Variants in TMEM178B observed in about 807,000 individuals in gnomAD.
The protein encoded by TMEM178B is transmembrane protein 178B.
In TMEM178B, 5 loss-of-function variants were observed where a neutral mutation model predicts 31.0. That is an observed-to-expected ratio of 0.16 (90% CI 0.08 to 0.34). TMEM178B has a LOEUF of 0.34. Among genes scored for constraint, TMEM178B ranks in the 10% least tolerant of loss-of-function variants. TMEM178B has a pLI of 1.00. For synonymous variants in TMEM178B, 164 were observed against 164.0 expected (o/e 1.00, Z 0.00); for missense variants, 275 against 400.3 (o/e 0.69, Z 2.67).
At chr7:141,246,889 T>G (rs1797739966) in intron 2 of TMEM178B, among the ~76,000 whole-genome samples, 1 of 152,146 alleles carries the variant, frequency 6.6e-6, no homozygotes, top group Non-Finnish European at 1.5e-5. Context: ...CAGCACTCTT[T>G]TCCCCATTAC....
chr7:141,182,741 G>C (rs1260333673), intron 1 of TMEM178B, among the ~76,000 whole-genome samples: 2 of 152,150 alleles, frequency 1.3e-5, no homozygotes, highest in Admixed American at 6.5e-5. Flanking sequence ...CTGTTCTTGT[G>C]GTGGTGAATA....
At chr7:141,101,478 T>C (rs776305699) in intron 1 of TMEM178B, among the ~76,000 whole-genome samples, 16 of 152,254 alleles carry the variant, frequency 1.1e-4, no homozygotes, top group Non-Finnish European at 2.4e-4. Flanking sequence ...TTTTCTCTGG[T>C]ACAGGTTAAG....
intron 1 of TMEM178B, among the ~76,000 whole-genome samples, chr7:141,160,055 A>T (rs1454286817): frequency 6.8e-6 from 1 of 147,196 alleles, no homozygotes; most frequent in East Asian, 2.0e-4. Context: ...ATCAATATAT[A>T]ATATATATAT....
intron 2 of TMEM178B, among the ~76,000 whole-genome samples, chr7:141,407,638 A>G (rs1243886891): frequency 2.0e-5 from 3 of 152,172 alleles, no homozygotes; most frequent in Non-Finnish European, 4.4e-5. Context: ...ATCATGACCC[A>G]CTTTATAGAT....
chr7:141,204,282 G>A (rs7801435), intron 1 of TMEM178B, among the ~76,000 whole-genome samples: 98,974 of 152,022 alleles, frequency 0.65, 32,661 homozygotes, highest in Middle Eastern at 0.69. Flanking sequence ...CCCTCTGAGG[G>A]ACTGTGAGAA....
intron 2 of TMEM178B, among the ~76,000 whole-genome samples, chr7:141,421,446 T>TGTGTTTACATC (rs1801208247): frequency 1.3e-5 from 2 of 152,164 alleles, no homozygotes; most frequent in Non-Finnish European, 2.9e-5. Context: ...GGTAGCACTT[T>TGTGTTTACATC]ACAGTTTACA....
chr7:141,462,082 A>G (rs1263879390), intron 3 of TMEM178B, among the ~76,000 whole-genome samples: 1 of 152,146 alleles, frequency 6.6e-6, no homozygotes, highest in Non-Finnish European at 1.5e-5. Context: ...TCGTCACTAC[A>G]ACACTACCTA....
At chr7:141,348,844 A>G (rs115606259) in intron 2 of TMEM178B, among the ~76,000 whole-genome samples, 3,484 of 152,290 alleles carry the variant, frequency 0.023, 126 homozygotes, top group African/African-American at 0.079. Flanking sequence ...AAATCAGAGC[A>G]TTAGCGAGCA....
rs371616812 is a variant in TMEM178B at position 141,423,887 on chromosome 7, C to A, written c.497-13721C>A. 2.8e-3 allele frequency among the ~76,000 whole-genome samples: 415 copies of A among 147,158 alleles called. 3 individuals carry two copies. Among genetic ancestry groups the A allele is most frequent in the African/African-American group, 9.9e-3 (394 of 39,696 alleles). The stretch of plus-strand genomic sequence containing the variant: ...GTAGTGGCACGATCTTGGCTCACTG[C>A]AACCTCCACCTCCTGGGTTCAAGTG... On this transcript the variant is annotated intron_variant, in intron 2 of 3. Transcript: ENST00000565468.
intron 1 of TMEM178B, among the ~76,000 whole-genome samples, chr7:141,150,793 A>T (rs752664667): frequency 2.6e-5 from 4 of 152,204 alleles, no homozygotes; most frequent in Non-Finnish European, 4.4e-5. Context: ...AAATAAATAG[A>T]TTGTGGTTGT....
chr7:141,161,286 A>G (rs1430518123), intron 1 of TMEM178B, among the ~76,000 whole-genome samples: 2 of 152,116 alleles, frequency 1.3e-5, no homozygotes, highest in Non-Finnish European at 2.9e-5. Flanking sequence ...ATGGTGGATG[A>G]CGAGGTGGTG....
At chr7:141,368,373 A>G (rs1489313235) in intron 2 of TMEM178B, among the ~76,000 whole-genome samples, 1 of 152,228 alleles carries the variant, frequency 6.6e-6, no homozygotes, top group Non-Finnish European at 1.5e-5. Context: ...CTGATATCAT[A>G]CTATTTTGCA....
At chr7:141,408,109 A>G (rs1405849310) in intron 2 of TMEM178B, among the ~76,000 whole-genome samples, 4 of 152,132 alleles carry the variant, frequency 2.6e-5, no homozygotes, top group Non-Finnish European at 5.9e-5. Context: ...TCCAAATGCC[A>G]CATGACCCAA....
chr7:141,229,567 A>C (rs1797407886), intron 2 of TMEM178B, among the ~76,000 whole-genome samples: 1 of 152,188 alleles, frequency 6.6e-6, no homozygotes, highest in Non-Finnish European at 1.5e-5. Flanking sequence ...TATTATAGAA[A>C]AAAATCAACA....
At chr7:141,126,883 G>T (rs2129177150) in intron 1 of TMEM178B, among the ~76,000 whole-genome samples, 2 of 151,936 alleles carry the variant, frequency 1.3e-5, no homozygotes, top group Non-Finnish European at 2.9e-5. Context: ...GTGTGTGTGT[G>T]TGTGTGTGTA....
chr7:141,418,784 T>A (rs1387042031), intron 2 of TMEM178B, among the ~76,000 whole-genome samples: 2 of 152,266 alleles, frequency 1.3e-5, no homozygotes, highest in Non-Finnish European at 2.9e-5. Flanking sequence ...TGCTCCCCTA[T>A]GTGCTAGACT....
intron 3 of TMEM178B, among the ~76,000 whole-genome samples, chr7:141,453,257 G>A (rs1165282578): frequency 1.3e-5 from 2 of 152,184 alleles, no homozygotes; most frequent in African/African-American, 4.8e-5. Context: ...CCTGCCTTGT[G>A]GGTGACTCCG....
At chr7:141,282,779 C>A (rs561136975) in intron 2 of TMEM178B, among the ~76,000 whole-genome samples, 33 of 152,194 alleles carry the variant, frequency 2.2e-4, no homozygotes, top group Non-Finnish European at 4.6e-4. Flanking sequence ...AGCAAATGAA[C>A]ACTTGAAGAT....
At chr7:141,147,567 T>C (rs1795875048) in intron 1 of TMEM178B, among the ~76,000 whole-genome samples, 1 of 152,102 alleles carries the variant, frequency 6.6e-6, no homozygotes, top group Admixed American at 6.5e-5. Flanking sequence ...AAGAGGGTTG[T>C]GATGGAAGCA....
Sources: allele counts gnomAD v4.1 joint callset (sites outside exome capture counted in the v4.1 genomes callset), GRCh38; gene constraint gnomAD v4.1.1; transcripts MANE v1.5; gene names NCBI Gene and HGNC (gene_info 2026-07-23, HGNC 2026-07-21).